Variants in MACF1 observed in about 807,000 individuals in gnomAD.
MACF1 encodes microtubule-actin cross-linking factor 1.
Under a neutral mutation model 854.8 loss-of-function variants are expected in MACF1, and 193 were observed. The observed-to-expected ratio is 0.23, with a 90% CI of 0.20 to 0.25. The LOEUF (loss-of-function observed/expected upper bound fraction) is 0.25, where lower values mean the gene tolerates loss of function less well. Among genes scored for constraint, MACF1 ranks in the 10% least tolerant of loss-of-function variants. MACF1 has a pLI of 1.00. For synonymous variants in MACF1, 3,185 were observed against 3,226.7 expected (o/e 0.99, Z 0.44); for missense variants, 7,722 against 8,929.1 (o/e 0.86, Z 5.45).
At chr1:39,167,400 A>G (rs1343180789) in intron 2 of MACF1, among the ~76,000 whole-genome samples, 1 of 151,086 alleles carries the variant, frequency 6.6e-6, no homozygotes. Flanking sequence ...GTGAAACCCC[A>G]TCTCTACTAA....
In MACF1 at chr1:39,335,365, C is replaced by A; in HGVS notation, c.8777C>A (p.Ser2926Tyr). 6.2e-7 allele frequency: 1 copy of A among 1,613,630 alleles called. No homozygotes were observed. Among genetic ancestry groups the A allele is most frequent in the East Asian group, 2.2e-5 (1 of 44,860 alleles). The change falls in exon 37 of 101, where the codon TCT becomes TAT. Residue 2926 changes from serine (S) to tyrosine (Y), a missense_variant. Coordinates refer to ENST00000564288, the MANE Select transcript of MACF1 (RefSeq NM_001394062.1). ...KIEIISHMKQ[S>Y]TSCLDSEEIR... is the part of the protein sequence containing the mutation. ...GAAATTATTTCTCATATGAAGCAGT[C>A]TACCTCATGTCTAGATTCTGAAGAA...
chr1:39,283,322 C>T lies in MACF1; in HGVS notation c.808+21C>T. ...AGAAGGTGAGAGGGAGTTTACTGAA[C>T]TTGAGTAAGGAACACGTATTCAGTA... On this transcript the variant is annotated intron_variant, in intron 8 of 100. Coordinates refer to ENST00000564288, the MANE Select transcript of MACF1 (RefSeq NM_001394062.1). This position sits in a 1 kb window ranked among gnomAD's most constrained non-coding sequence, Gnocchi z 4.5. 1 of 1,594,140 alleles carries T rather than the reference C, an allele frequency of 6.3e-7. No individual in the cohort carries two copies. The highest frequency in any genetic ancestry group is 8.6e-7 in the Non-Finnish European group (1 of 1,161,818).
At chr1:39,237,241 A>T (rs540694149) in intron 2 of MACF1, among the ~76,000 whole-genome samples, 69 of 152,272 alleles carry the variant, frequency 4.5e-4, no homozygotes, top group African/African-American at 1.6e-3. Context: ...TTCTAGGCCC[A>T]GCTCCAGTAT....
intron 6 of MACF1, among the ~76,000 whole-genome samples, chr1:39,281,845 C>G (rs1336249710): frequency 2.0e-5 from 3 of 152,156 alleles, no homozygotes; most frequent in Non-Finnish European, 4.4e-5. Context: ...CTGATGACTT[C>G]CTATCAAGTT....
intron 2 of MACF1, among the ~76,000 whole-genome samples, chr1:39,129,381 C>T (rs1303149285): frequency 2.6e-5 from 4 of 152,214 alleles, no homozygotes; most frequent in Non-Finnish European, 5.9e-5. Context: ...TAAAGGCTGG[C>T]GTATTGCAGA....
intron 2 of MACF1, among the ~76,000 whole-genome samples, chr1:39,120,362 CTGAGTCTTCCTACTACAAGAG>C (rs1226763845): frequency 1.3e-5 from 2 of 152,028 alleles, no homozygotes; most frequent in Non-Finnish European, 2.9e-5. Flanking sequence ...TGATTGTTGT[CTGAGTCTTCCTACTACAAGAG>C]TGAGACTGAG....
chr1:39,246,841 C>T (rs1372250901), intron 2 of MACF1, among the ~76,000 whole-genome samples: 16 of 151,378 alleles, frequency 1.1e-4, no homozygotes, highest in African/African-American at 3.6e-4. Context: ...CTGGAGCCAG[C>T]TTATGGACTC....
chr1:39,270,770 C>A (rs1168020441), intron 6 of MACF1, among the ~76,000 whole-genome samples: 1 of 151,146 alleles, frequency 6.6e-6, no homozygotes, highest in East Asian at 1.9e-4. Context: ...TGTACAGGGG[C>A]CCTGATGTTT....
intron 58 of MACF1, among the ~76,000 whole-genome samples, chr1:39,407,258 C>T (rs1390497410): frequency 6.6e-6 from 1 of 152,130 alleles, no homozygotes; most frequent in African/African-American, 2.4e-5. Flanking sequence ...AGGAGATACC[C>T]AGAACAAGTT....
At chr1:39,107,204 C>A (rs1214310915) in intron 2 of MACF1, among the ~76,000 whole-genome samples, 2 of 152,114 alleles carry the variant, frequency 1.3e-5, no homozygotes, top group African/African-American at 4.8e-5. Flanking sequence ...GTGAAGAAAT[C>A]TCAGCACCTC....
intron 44 of MACF1, among the ~76,000 whole-genome samples, chr1:39,356,280 T>G (rs1349093998): frequency 1.3e-5 from 2 of 152,218 alleles, no homozygotes; most frequent in African/African-American, 2.4e-5. Flanking sequence ...AAATACAGTT[T>G]AATCTCTAAT....
chr1:39,444,707 C>T lies in MACF1; in HGVS notation c.19477C>T (p.Leu6493=). 1 of 1,614,020 alleles carries T rather than the reference C, an allele frequency of 6.2e-7. No individual in the cohort carries two copies. The highest frequency in any genetic ancestry group is 8.5e-7 in the Non-Finnish European group (1 of 1,179,916). The change falls in exon 80 of 101, where the codon CTA becomes TTA. Residue 6493 remains leucine, a synonymous_variant. Transcript: ENST00000564288. The part of the protein sequence containing the change: ...LKAKEETYNQ[L]LDKGRLMLLS... The stretch of plus-strand genomic sequence containing the variant: ...AGCCAAGGAAGAGACTTATAATCAA[C>T]TACTTGACAAGGGCAGACTCATGCT...
At position 39,114,561 on chromosome 1, in the gene MACF1, A is replaced by C. The variant is rs568816016; in HGVS notation, c.220+30123A>C. ...AGCTATGATCACGCCATTGCACTCC[A>C]GCCTGGATGACAGAGGAAATATTAA... On this transcript the variant is annotated intron_variant, in intron 2 of 93. Transcript: ENST00000361689. 2.1e-4 allele frequency among the ~76,000 whole-genome samples: 32 copies of C among 152,328 alleles called. No individual in the cohort carries two copies. The South Asian group carries it at 6.6e-3, about 32-fold the overall frequency.
At chr1:39,342,536 C>CTTT (rs1422574585) in intron 40 of MACF1, among the ~76,000 whole-genome samples, 32 of 133,646 alleles carry the variant, frequency 2.4e-4, no homozygotes, top group Admixed American at 3.9e-4. Flanking sequence ...GGTTGGCAAA[C>CTTT]TTTTTTTTTT....
chr1:39,394,471 A>C (rs1642195577), intron 58 of MACF1, among the ~76,000 whole-genome samples: 2 of 152,020 alleles, frequency 1.3e-5, no homozygotes, highest in South Asian at 4.1e-4. Flanking sequence ...AAAATACAAA[A>C]ATTAGCTGGG....
At chr1:39,284,986 C>T in intron 11 of MACF1, 97 bp from the exon 12 acceptor site, 1 of 1,476,064 alleles carries the variant, frequency 6.8e-7, no homozygotes, top group South Asian at 1.3e-5. Context: ...TGCTGAATGG[C>T]TGGGTAAAGA....
intron 58 of MACF1, among the ~76,000 whole-genome samples, chr1:39,406,241 T>G (rs1300360709): frequency 6.6e-6 from 1 of 152,242 alleles, no homozygotes; most frequent in African/African-American, 2.4e-5. Context: ...TGACTGCAGA[T>G]AATAAGTAAT....
rs551742197 is a variant in MACF1, at chr1:39,449,250, G to T, written c.20258+487G>T. 2.6e-5 allele frequency among the ~76,000 whole-genome samples: 4 copies of T among 152,212 alleles called. No individual in the cohort carries two copies. The South Asian group carries it at 8.3e-4, about 32-fold the overall frequency. ...CAGATGAGAAAATGACCATAAAGAGGTTCTTAACTCCCCTAAGGTCACTCA... is the reference window on the plus strand; with the variant it reads ...CAGATGAGAAAATGACCATAAAGAGTTTCTTAACTCCCCTAAGGTCACTCA... On this transcript the variant is annotated intron_variant, in intron 84 of 100. Transcript: ENST00000564288.
chr1:39,273,938 A>G (rs1196156717), intron 6 of MACF1, among the ~76,000 whole-genome samples: 1 of 152,240 alleles, frequency 6.6e-6, no homozygotes, highest in Non-Finnish European at 1.5e-5. Context: ...TTACTAAAGA[A>G]TCATTATTTT....
Sources: gnomAD v4.1 joint callset for allele counts (sites outside exome capture counted in the v4.1 genomes callset) on GRCh38, gnomAD v4.1.1 for gene constraint, Gnocchi (gnomAD v3.1) non-coding constraint, MANE v1.5 for transcripts, NCBI Gene and HGNC (gene_info 2026-07-23, HGNC 2026-07-21) for gene names.